The following CCSER1 variants were observed in gnomAD, a reference collection of about 807,000 sequenced individuals.
CCSER1 encodes the protein serine-rich coiled-coil domain-containing protein 1.
A neutral mutation model predicts 82.0 loss-of-function variants in CCSER1; 41 were observed. The observed-to-expected ratio is 0.50, with a 90% CI of 0.39 to 0.65. The LOEUF (loss-of-function observed/expected upper bound fraction) is 0.65, where lower values mean the gene tolerates loss of function less well. Among genes scored for constraint, CCSER1 ranks in the 30% least tolerant of loss-of-function variants. The probability of loss-of-function intolerance (pLI) is 0.00; values close to 1 mark genes in which losing one functional copy is unlikely to be tolerated. For synonymous variants in CCSER1, 414 were observed against 383.9 expected, an observed-to-expected ratio of 1.08 and a Z score of -0.92; for missense variants, 1,119 against 1,064.2, an observed-to-expected ratio of 1.05 and a Z score of -0.72.
At chr4:90,565,568 C>G (rs544323042) in intron 5 of CCSER1, among the ~76,000 whole-genome samples, 38 of 152,296 alleles carry the variant, frequency 2.5e-4, no homozygotes, top group Admixed American at 2.5e-3. Context: ...AAGTAGCGCA[C>G]CAGGCATCCT....
At chr4:90,976,413 AG>A (rs1735622354) in intron 9 of CCSER1, among the ~76,000 whole-genome samples, 1 of 151,240 alleles carries the variant, frequency 6.6e-6, no homozygotes. Context: ...TATCTAATTT[AG>A]TTATAGATCA....
intron 6 of CCSER1, among the ~76,000 whole-genome samples, chr4:90,633,771 T>G (rs941536989): frequency 1.3e-5 from 2 of 151,998 alleles, no homozygotes; most frequent in African/African-American, 4.8e-5. Context: ...TCTGTCGACC[T>G]CCTAGATTTT....
intron 5 of CCSER1, among the ~76,000 whole-genome samples, chr4:90,500,291 A>G (rs1215507318): frequency 6.6e-6 from 1 of 152,022 alleles, no homozygotes; most frequent in Non-Finnish European, 1.5e-5. Context: ...TGTGATTTTT[A>G]TAATCAGGAA....
chr4:90,959,530 T>C (rs1270935488), intron 9 of CCSER1, among the ~76,000 whole-genome samples: 2 of 152,154 alleles, frequency 1.3e-5, no homozygotes, highest in Non-Finnish European at 2.9e-5. Flanking sequence ...TTACTATATA[T>C]GCTATGCACT....
intron 9 of CCSER1, among the ~76,000 whole-genome samples, chr4:91,004,917 G>A (rs1478755608): frequency 6.6e-6 from 1 of 152,126 alleles, no homozygotes; most frequent in African/African-American, 2.4e-5. Context: ...CTTATTTCAG[G>A]TCTTGCCTCT....
At chr4:90,875,911 G>T (rs1767144325) in intron 8 of CCSER1, among the ~76,000 whole-genome samples, 1 of 152,128 alleles carries the variant, frequency 6.6e-6, no homozygotes, top group South Asian at 2.1e-4. Flanking sequence ...GCAGACTATT[G>T]CGATGGTGTT....
chr4:90,622,287 T>C (rs1287899136), intron 5 of CCSER1, among the ~76,000 whole-genome samples: 2 of 152,066 alleles, frequency 1.3e-5, no homozygotes, highest in Admixed American at 1.3e-4. Flanking sequence ...GTTTTAGTTA[T>C]ACTTTAAGTT....
intron 1 of CCSER1, among the ~76,000 whole-genome samples, chr4:90,220,462 C>CTT (rs369855943): frequency 6.9e-6 from 1 of 145,844 alleles, no homozygotes; most frequent in Non-Finnish European, 1.5e-5. Context: ...TTTTGATTTG[C>CTT]TTTTTTTTTT....
intron 10 of CCSER1, among the ~76,000 whole-genome samples, chr4:91,361,878 T>C (rs888999554): frequency 1.3e-4 from 20 of 151,738 alleles, no homozygotes; most frequent in African/African-American, 4.8e-4. Flanking sequence ...TGCAATTAAA[T>C]GAATGTATAC....
chr4:91,214,901 C>G (rs2149090274), intron 10 of CCSER1, among the ~76,000 whole-genome samples: 1 of 151,964 alleles, frequency 6.6e-6, no homozygotes, highest in Admixed American at 6.5e-5. Context: ...AACTGGAACT[C>G]CATATGTATA....
intron 10 of CCSER1, among the ~76,000 whole-genome samples, chr4:91,096,419 T>C (rs1309804704): frequency 6.6e-6 from 1 of 152,188 alleles, no homozygotes; most frequent in Admixed American, 6.5e-5. Flanking sequence ...GTGAGAACTT[T>C]CCTTAACTAA....
chr4:90,411,232 C>A (rs529811550), intron 4 of CCSER1, among the ~76,000 whole-genome samples: 39 of 152,230 alleles, frequency 2.6e-4, no homozygotes, highest in African/African-American at 9.1e-4. Context: ...TGAAACTATT[C>A]CAATCAATAG....
chr4:90,988,694 T>C (rs1736785060), intron 9 of CCSER1, among the ~76,000 whole-genome samples: 1 of 151,832 alleles, frequency 6.6e-6, no homozygotes, highest in Non-Finnish European at 1.5e-5. Context: ...ATAATAGACT[T>C]GATGGCTGAT....
At chr4:90,922,242 C>T (rs987624477) in intron 8 of CCSER1, among the ~76,000 whole-genome samples, 1 of 151,522 alleles carries the variant, frequency 6.6e-6, no homozygotes, top group African/African-American at 2.4e-5. Flanking sequence ...CTCAGATAAT[C>T]TTGAAAATAC....
At chr4:90,392,689 G>C (rs984740490) in intron 3 of CCSER1, among the ~76,000 whole-genome samples, 1 of 152,108 alleles carries the variant, frequency 6.6e-6, no homozygotes, top group Non-Finnish European at 1.5e-5. Flanking sequence ...CTTGCCTCCA[G>C]AGCAAGAATT....
chr4:91,460,401 A>T (rs1756439298), intron 10 of CCSER1, among the ~76,000 whole-genome samples: 2 of 152,250 alleles, frequency 1.3e-5, no homozygotes, highest in African/African-American at 4.8e-5. Context: ...AGGAGGTGAC[A>T]TTCCCTTTGC....
chr4:91,147,449 T>A (rs572818738), intron 10 of CCSER1, among the ~76,000 whole-genome samples: 1 of 152,308 alleles, frequency 6.6e-6, no homozygotes, highest in South Asian at 2.1e-4. Flanking sequence ...CTAACACGCA[T>A]ACCCTCCTGC....
intron 8 of CCSER1, among the ~76,000 whole-genome samples, chr4:90,868,369 C>T (rs28898299): frequency 0.056 from 8,464 of 152,026 alleles, 324 homozygotes; most frequent in Admixed American, 0.11. Context: ...CTCCAGCCTT[C>T]GGTTACCATC....
At chr4:90,548,940 T>C (rs991231020) in intron 5 of CCSER1, among the ~76,000 whole-genome samples, 5 of 152,032 alleles carry the variant, frequency 3.3e-5, no homozygotes, top group Non-Finnish European at 7.4e-5. Context: ...TGAATCAAGA[T>C]TGAGTTGGTT....
Sources: gnomAD v4.1 joint callset for allele counts (sites outside exome capture counted in the v4.1 genomes callset) on GRCh38, gnomAD v4.1.1 for gene constraint, MANE v1.5 for transcripts, NCBI Gene and HGNC (gene_info 2026-07-23, HGNC 2026-07-21) for gene names.